MAML2: variants seen among roughly 807,000 people sequenced by gnomAD.
The protein encoded by MAML2 is mastermind like transcriptional coactivator 2.
Under a neutral mutation model 96.1 loss-of-function variants are expected in MAML2, and 22 were observed. The ratio of observed to expected loss-of-function variants is 0.23; its 90% CI spans 0.16 to 0.33. The LOEUF (loss-of-function observed/expected upper bound fraction) is 0.33, where lower values mean the gene tolerates loss of function less well. Among genes scored for constraint, MAML2 ranks in the 10% least tolerant of loss-of-function variants. The pLI is 1.00. For synonymous variants in MAML2, 561 were observed against 521.3 expected, an observed-to-expected ratio of 1.08 and a Z score of -1.04; for missense variants, 1,367 against 1,392.4, an observed-to-expected ratio of 0.98 and a Z score of 0.29.
chr11:96,330,115 A>C (rs1399458819), intron 1 of MAML2, among the ~76,000 whole-genome samples: 1 of 152,228 alleles, frequency 6.6e-6, no homozygotes, highest in Non-Finnish European at 1.5e-5. Context: ...GAAATTTGGT[A>C]GTTAGAAGGA....
intron 1 of MAML2, among the ~76,000 whole-genome samples, chr11:96,243,759 T>C (rs899995735): frequency 6.6e-6 from 1 of 151,328 alleles, no homozygotes; most frequent in Admixed American, 6.6e-5. Flanking sequence ...GTTCATGCCA[T>C]TCTCCTGCCT....
At chr11:96,197,648 A>C (rs1019484907) in intron 1 of MAML2, among the ~76,000 whole-genome samples, 9 of 152,186 alleles carry the variant, frequency 5.9e-5, no homozygotes, top group African/African-American at 2.2e-4. Flanking sequence ...ATGATCAGTC[A>C]CCTACTATGT....
intron 2 of MAML2, among the ~76,000 whole-genome samples, chr11:96,040,044 G>A (rs1858783281): frequency 6.6e-6 from 1 of 151,660 alleles, no homozygotes. Flanking sequence ...CACTTCCAAA[G>A]CAACACAAGT....
intron 1 of MAML2, among the ~76,000 whole-genome samples, chr11:96,299,060 A>AAAATATAT (rs55878534): frequency 2.0e-4 from 11 of 56,336 alleles, no homozygotes; most frequent in African/African-American, 4.5e-4. Flanking sequence ...AAAAAAAAAA[A>AAAATATAT]ATATATATAT....
chr11:96,100,735 C>CTTTTTTTTTTTTTTTTTT (rs66593553), intron 1 of MAML2, among the ~76,000 whole-genome samples: 1 of 136,160 alleles, frequency 7.3e-6, no homozygotes, highest in African/African-American at 2.8e-5. Context: ...GTCAAAATAG[C>CTTTTTTTTTTTTTTTTTT]TTTTTTTTTT....
chr11:96,094,602 C>A (rs1436410097), intron 1 of MAML2, among the ~76,000 whole-genome samples: 1 of 152,064 alleles, frequency 6.6e-6, no homozygotes, highest in Non-Finnish European at 1.5e-5. Flanking sequence ...ACTTTATGAG[C>A]CTTAAAATTT....
intron 1 of MAML2, among the ~76,000 whole-genome samples, chr11:96,164,383 G>A (rs1211436340): frequency 6.6e-6 from 1 of 152,150 alleles, no homozygotes; most frequent in Non-Finnish European, 1.5e-5. Context: ...ATTTGCCCAA[G>A]GCTACAGAAC....
intron 2 of MAML2, among the ~76,000 whole-genome samples, chr11:96,052,023 C>T (rs966825360): frequency 6.6e-6 from 1 of 152,162 alleles, no homozygotes; most frequent in African/African-American, 2.4e-5. Flanking sequence ...CACAACTGTA[C>T]CTGTCATGTC....
chr11:96,013,843 T>G (rs1179667008), intron 2 of MAML2, among the ~76,000 whole-genome samples: 5 of 152,198 alleles, frequency 3.3e-5, no homozygotes, highest in Non-Finnish European at 7.4e-5. Context: ...TTTGCATTCT[T>G]TCTTCAAGCC....
chr11:96,334,250 T>C (rs578242288), intron 1 of MAML2, among the ~76,000 whole-genome samples: 5 of 152,220 alleles, frequency 3.3e-5, no homozygotes, highest in Non-Finnish European at 7.3e-5. Context: ...AACACAATTC[T>C]GGGCTGGGAA....
At chr11:95,987,278 G>A (rs185465366) in intron 3 of MAML2, among the ~76,000 whole-genome samples, 4 of 152,232 alleles carry the variant, frequency 2.6e-5, no homozygotes, top group Non-Finnish European at 5.9e-5. Flanking sequence ...TTTTATCATG[G>A]TCTCAGAGTA....
At chr11:96,137,846 TGTTA>T (rs1019293370) in intron 1 of MAML2, among the ~76,000 whole-genome samples, 2 of 152,220 alleles carry the variant, frequency 1.3e-5, no homozygotes, top group Non-Finnish European at 2.9e-5. Flanking sequence ...TTCCTAAGAC[TGTTA>T]TTTTTTAACA....
chr11:96,239,699 T>G (rs752216229), intron 1 of MAML2, among the ~76,000 whole-genome samples: 6 of 152,092 alleles, frequency 3.9e-5, no homozygotes, highest in Non-Finnish European at 8.8e-5. Context: ...GAGTCTATTG[T>G]ATCATTAGGA....
rs139627853 is a variant in MAML2 at position 96,066,936 on chromosome 11, G to C, written c.2139+24956C>G. Among the ~76,000 whole-genome samples the C allele has an allele frequency of 4.3e-3, 654 of 152,302 alleles. 5 individuals are homozygous for C. The highest frequency in any genetic ancestry group is 0.015 in the African/African-American group (621 of 41,574). ...TGGTGCATTCTGGGAAGGCAGGAGC[G>C]GCTGGAGGATAGAGAAATAGAGAGA... is the stretch of plus-strand genomic sequence containing the variant. On this transcript the variant is annotated intron_variant, in intron 2 of 4. Transcript: ENST00000524717.
intron 2 of MAML2, among the ~76,000 whole-genome samples, chr11:96,020,393 G>A (rs370326713): frequency 2.8e-4 from 42 of 152,238 alleles, no homozygotes; most frequent in Non-Finnish European, 4.3e-4. Flanking sequence ...ATTTATAAAG[G>A]TCTCCTTTTT....
chr11:96,307,567 C>A (rs1863481993), intron 1 of MAML2, among the ~76,000 whole-genome samples: 2 of 152,116 alleles, frequency 1.3e-5, no homozygotes, highest in Admixed American at 6.6e-5. Context: ...AAAGCTGCAA[C>A]TCCGACACAT....
intron 2 of MAML2, among the ~76,000 whole-genome samples, chr11:95,997,553 T>C (rs1465895384): frequency 6.6e-6 from 1 of 152,202 alleles, no homozygotes; most frequent in Non-Finnish European, 1.5e-5. Flanking sequence ...AAGCATTGCA[T>C]TCTTCTGGGC....
chr11:95,984,773 A>G (rs1355070454), intron 4 of MAML2, among the ~76,000 whole-genome samples: 1 of 152,202 alleles, frequency 6.6e-6, no homozygotes, highest in East Asian at 1.9e-4. Flanking sequence ...GGTAACAGGT[A>G]AGGCAGAGAG....
At chr11:96,289,165 T>C (rs1863178423) in intron 1 of MAML2, among the ~76,000 whole-genome samples, 2 of 152,202 alleles carry the variant, frequency 1.3e-5, no homozygotes, top group African/African-American at 4.8e-5. Context: ...ACCTGAAACT[T>C]GGCTTTCTAA....
Sources: gnomAD v4.1 joint callset for allele counts (sites outside exome capture counted in the v4.1 genomes callset) on GRCh38, gnomAD v4.1.1 for gene constraint, MANE v1.5 for transcripts, NCBI Gene and HGNC (gene_info 2026-07-23, HGNC 2026-07-21) for gene names.